Variants in GFPT1 observed in about 807,000 individuals in gnomAD.
GFPT1 encodes the protein glutamine--fructose-6-phosphate transaminase 1, also known as glutamine--fructose-6-phosphate aminotransferase [isomerizing] 1.
In GFPT1, 40 loss-of-function variants were observed where a neutral mutation model predicts 92.0. The observed-to-expected ratio is 0.43, with a 90% CI of 0.34 to 0.57. GFPT1 has a LOEUF of 0.57. Among genes scored for constraint, GFPT1 ranks in the 20% least tolerant of loss-of-function variants. The probability of loss-of-function intolerance (pLI) is 0.02; values close to 1 mark genes in which losing one functional copy is unlikely to be tolerated. For missense variants in GFPT1, 448 were observed against 869.1 expected (o/e 0.52, Z 6.09); for synonymous variants, 269 against 280.6 (o/e 0.96, Z 0.41).
intron 3 of GFPT1, among the ~76,000 whole-genome samples, chr2:69,369,640 T>C (rs1671694781): frequency 6.6e-6 from 1 of 152,182 alleles, no homozygotes; most frequent in Admixed American, 6.5e-5. Context: ...GTGAAGACAA[T>C]TAGCAAGTGA....
At chr2:69,370,638 C>T (rs752401136) in intron 2 of GFPT1, among the ~76,000 whole-genome samples, 3 of 149,504 alleles carry the variant, frequency 2.0e-5, no homozygotes, top group Non-Finnish European at 4.5e-5. Context: ...GGGAGAGAAA[C>T]GGAAGGAAGA....
chr2:69,330,506 T>A (rs1670633818), intron 15 of GFPT1, among the ~76,000 whole-genome samples: 1 of 151,694 alleles, frequency 6.6e-6, no homozygotes, highest in Non-Finnish European at 1.5e-5. Flanking sequence ...TTTTTTTTTT[T>A]AATTGCTCTT....
chr2:69,377,714 G>A (rs1671911559), intron 1 of GFPT1, among the ~76,000 whole-genome samples: 1 of 150,906 alleles, frequency 6.6e-6, no homozygotes, highest in African/African-American at 2.4e-5. Flanking sequence ...AGAAGGAAGG[G>A]GATTAGCCTC....
chr2:69,351,024 C>G (rs1671192925), intron 9 of GFPT1, among the ~76,000 whole-genome samples: 1 of 152,050 alleles, frequency 6.6e-6, no homozygotes, highest in Admixed American at 6.6e-5. Flanking sequence ...AAGTTGTAGT[C>G]TACACTAATT....
At chr2:69,363,973 G>A (rs1671545210) in intron 3 of GFPT1, among the ~76,000 whole-genome samples, 1 of 152,160 alleles carries the variant, frequency 6.6e-6, no homozygotes, top group African/African-American at 2.4e-5. Context: ...AAATTGGCCA[G>A]GCATGGTGGC....
At chr2:69,343,514 G>T (rs1671006372) in intron 12 of GFPT1, among the ~76,000 whole-genome samples, 1 of 151,732 alleles carries the variant, frequency 6.6e-6, no homozygotes, top group Non-Finnish European at 1.5e-5. Flanking sequence ...AGGTTCAAGC[G>T]ATTCTCCAGC....
intron 11 of GFPT1, 65 bp from the exon 12 acceptor site, chr2:69,346,064 T>C (rs1671073838): frequency 7.6e-6 from 7 of 915,930 alleles, no homozygotes; most frequent in Non-Finnish European, 9.1e-6. Flanking sequence ...TGTACACAAC[T>C]AAAAGTTTCC....
chr2:69,359,395 T>A (rs1481423830), intron 4 of GFPT1, 69 bp from the exon 5 acceptor site: 2 of 875,480 alleles, frequency 2.3e-6, no homozygotes, highest in Non-Finnish European at 3.9e-6. Flanking sequence ...GCTATTACTC[T>A]AACTGGATTT....
At chr2:69,374,181 A>G in intron 1 of GFPT1, 68 bp from the exon 2 acceptor site, 1 of 787,776 alleles carries the variant, frequency 1.3e-6, no homozygotes, top group South Asian at 1.4e-5. Flanking sequence ...AATTATGTCA[A>G]GTATGTGAAA....
chr2:69,347,226 T>G (rs1426786171), intron 11 of GFPT1, among the ~76,000 whole-genome samples: 1 of 150,726 alleles, frequency 6.6e-6, no homozygotes, highest in Admixed American at 6.6e-5. Context: ...TTTTTTTTAG[T>G]TTGTAGTAGA....
At chr2:69,374,762 T>G (rs543321941) in intron 1 of GFPT1, among the ~76,000 whole-genome samples, 1 of 152,330 alleles carries the variant, frequency 6.6e-6, no homozygotes, top group East Asian at 1.9e-4. Context: ...TAAAGTAATT[T>G]AAGCAACATA....
intron 9 of GFPT1, among the ~76,000 whole-genome samples, chr2:69,353,344 C>G (rs929911582): frequency 2.0e-5 from 3 of 152,118 alleles, no homozygotes; most frequent in Non-Finnish European, 2.9e-5. Flanking sequence ...TGAGACCAGC[C>G]TGGCCAACAT....
intron 19 of GFPT1, 24 bp from the exon 20 acceptor site, chr2:69,326,257 G>C: frequency 7.1e-7 from 1 of 1,398,774 alleles, no homozygotes; most frequent in Non-Finnish European, 9.9e-7. Flanking sequence ...AAAAAAAAAA[G>C]CAAGATTTGA....
chr2:69,337,856 C>G, intron 15 of GFPT1, 42 bp downstream of exon 15: 1 of 1,519,326 alleles, frequency 6.6e-7, no homozygotes, highest in Non-Finnish European at 9.1e-7. Context: ...TTCACTGACA[C>G]TATGATTAAA....
Position 69,376,043 on chromosome 2 carries a change from T to C in GFPT1, c.8-1930A>G, listed in dbSNP as rs141018249. Among the ~76,000 whole-genome samples, 920 of 152,342 alleles carry C rather than the reference T, an allele frequency of 6.0e-3. 11 individuals carry two copies. The highest frequency in any genetic ancestry group is 0.02 in the African/African-American group (822 of 41,580). The stretch of plus-strand genomic sequence containing the variant: ...TACTGCTGTTCCTTCATGAAGTATC[T>C]GTAATATGAATAAACGAATAACCCA... On this transcript the variant is annotated intron_variant, in intron 1 of 19. Transcript: ENST00000357308.
intron 7 of GFPT1, 148 bp from the exon 8 acceptor site, chr2:69,354,716 T>TC: frequency 1.5e-6 from 1 of 662,452 alleles, no homozygotes; most frequent in Non-Finnish European, 2.7e-6. Context: ...AAAAGAATTT[T>TC]TTAAAAAAAT....
chr2:69,382,574 T>C (rs1230132831), intron 1 of GFPT1, among the ~76,000 whole-genome samples: 2 of 152,226 alleles, frequency 1.3e-5, no homozygotes, highest in African/African-American at 4.8e-5. Context: ...GAATGACCTT[T>C]TTCTACTTTT....
chr2:69,367,820 T>C (rs1209350303), intron 3 of GFPT1, among the ~76,000 whole-genome samples: 1 of 152,238 alleles, frequency 6.6e-6, no homozygotes, highest in Non-Finnish European at 1.5e-5. Flanking sequence ...TTATAGGCAT[T>C]TCCCATGTAG....
At chr2:69,375,870 C>A (rs1671856800) in intron 1 of GFPT1, among the ~76,000 whole-genome samples, 1 of 152,188 alleles carries the variant, frequency 6.6e-6, no homozygotes, top group South Asian at 2.1e-4. Flanking sequence ...AAGGATATTG[C>A]TAAGGTAAGA....
Sources: allele counts gnomAD v4.1 joint callset (sites outside exome capture counted in the v4.1 genomes callset), GRCh38; gene constraint gnomAD v4.1.1; transcripts MANE v1.5; gene names NCBI Gene and HGNC (gene_info 2026-07-23, HGNC 2026-07-21).